SEM1: variants seen among roughly 807,000 people sequenced by gnomAD.
SEM1 encodes SEM1 26S proteasome subunit.
A neutral mutation model predicts 12.7 loss-of-function variants in SEM1; 3 were observed. That is an observed-to-expected ratio of 0.24 (90% CI 0.11 to 0.61). The LOEUF is 0.61. SEM1 is among the 20% of genes least tolerant of loss of function. The probability of loss-of-function intolerance (pLI) is 0.88; values close to 1 mark genes in which losing one functional copy is unlikely to be tolerated. For missense variants in SEM1, 59 were observed against 81.3 expected, an observed-to-expected ratio of 0.73 and a Z score of 1.06; for synonymous variants, 30 against 27.8, an observed-to-expected ratio of 1.08 and a Z score of -0.25.
intron 2 of SEM1, among the ~76,000 whole-genome samples, chr7:96,632,220 T>C (rs1808283968): frequency 1.3e-5 from 2 of 152,116 alleles, no homozygotes; most frequent in African/African-American, 4.8e-5. Context: ...TCCCAAAGGA[T>C]TGTAAGTCAT....
chr7:96,585,622 A>C (rs1346079707), intron 2 of SEM1, among the ~76,000 whole-genome samples: 11 of 152,260 alleles, frequency 7.2e-5, no homozygotes, highest in Non-Finnish European at 1.2e-4. Flanking sequence ...CAGCGAGACT[A>C]CATGGGCTTA....
exon 4 of SEM1, chr7:96,482,193 A>G (rs1233404322): frequency 6.6e-6 from 1 of 152,134 alleles, no homozygotes; most frequent in African/African-American, 2.4e-5. Flanking sequence ...TCTTTTAAGG[A>G]TACAGGGAAG....
intron 2 of SEM1, among the ~76,000 whole-genome samples, chr7:96,562,656 G>A (rs1805724754): frequency 6.6e-6 from 1 of 152,108 alleles, no homozygotes; most frequent in African/African-American, 2.4e-5. Context: ...ATCACAGAAA[G>A]AACCTTACAA....
At chr7:96,627,951 G>A (rs531176614) in intron 2 of SEM1, among the ~76,000 whole-genome samples, 93 of 151,996 alleles carry the variant, frequency 6.1e-4, no homozygotes, top group Admixed American at 1.0e-3. Flanking sequence ...TGAGTGCTCC[G>A]GTGTTGGGTG....
intron 2 of SEM1, among the ~76,000 whole-genome samples, chr7:96,656,876 T>TAC (rs71127464): frequency 8.8e-4 from 123 of 139,850 alleles, no homozygotes; most frequent in Non-Finnish European, 1.5e-3. Flanking sequence ...TATATATATA[T>TAC]ACACACACAC....
chr7:96,540,023 A>G (rs1804898488), intron 2 of SEM1, among the ~76,000 whole-genome samples: 1 of 150,746 alleles, frequency 6.6e-6, no homozygotes, highest in Non-Finnish European at 1.5e-5. Context: ...AATAAGTTAT[A>G]AAAATAATTC....
At chr7:96,496,136 A>C in intron 1 of SEM1, 1 of 505,002 alleles carries the variant, frequency 2.0e-6, no homozygotes, top group Non-Finnish European at 3.5e-6. Context: ...CAGAATACCC[A>C]GAGCTCGATT....
intron 2 of SEM1, among the ~76,000 whole-genome samples, chr7:96,588,898 A>G (rs938788936): frequency 6.6e-6 from 1 of 152,390 alleles, no homozygotes; most frequent in African/African-American, 2.4e-5. Flanking sequence ...TTTGCAGCAC[A>G]TGGGTATATG....
intron 2 of SEM1, among the ~76,000 whole-genome samples, chr7:96,596,762 TTCTC>T (rs1233367317): frequency 1.3e-5 from 2 of 152,308 alleles, no homozygotes; most frequent in East Asian, 3.9e-4. Flanking sequence ...AGAGCTTTCT[TTCTC>T]TCTCTTTTTT....
chr7:96,709,651 C>T (rs1432642383), intron 1 of SEM1, 37 bp downstream of exon 1: 1 of 1,601,140 alleles, frequency 6.2e-7, no homozygotes, highest in Non-Finnish European at 8.6e-7. Flanking sequence ...CCTGAGTCAC[C>T]GTTCGCGCGA....
intron 2 of SEM1, among the ~76,000 whole-genome samples, chr7:96,521,329 C>T (rs1804262629): frequency 1.3e-5 from 2 of 152,074 alleles, no homozygotes; most frequent in African/African-American, 4.8e-5. Context: ...CACAAGTTTG[C>T]TACTTAAAGG....
intron 2 of SEM1, among the ~76,000 whole-genome samples, chr7:96,639,089 A>C (rs1808514415): frequency 6.6e-6 from 1 of 152,042 alleles, no homozygotes; most frequent in Admixed American, 6.6e-5. Context: ...CTCAATCCTG[A>C]AAGTAATTTC....
chr7:96,676,131 G>C (rs1432477862), intron 2 of SEM1, among the ~76,000 whole-genome samples: 1 of 152,208 alleles, frequency 6.6e-6, no homozygotes, highest in East Asian at 1.9e-4. Context: ...CCTGCAGTAA[G>C]GGGTGAAATT....
chr7:96,566,235 G>A (rs1465437021), intron 2 of SEM1, among the ~76,000 whole-genome samples: 1 of 151,596 alleles, frequency 6.6e-6, no homozygotes, highest in Non-Finnish European at 1.5e-5. Context: ...TTACAGAGAG[G>A]CAAATACTGT....
exon 4 of SEM1, chr7:96,483,675 T>G: frequency 1.5e-6 from 1 of 668,370 alleles, no homozygotes; most frequent in Non-Finnish European, 2.6e-6. Flanking sequence ...ATTAAATGCT[T>G]CTAATCATAA....
intron 2 of SEM1, among the ~76,000 whole-genome samples, chr7:96,598,487 A>T (rs1807076948): frequency 6.6e-6 from 1 of 151,966 alleles, no homozygotes; most frequent in African/African-American, 2.4e-5. Context: ...AAGGTCTTCC[A>T]ACCTCTCTGA....
chr7:96,694,659 AAT>A (rs1444396273), intron 2 of SEM1, 137 bp downstream of exon 2: 3 of 474,090 alleles, frequency 6.3e-6, no homozygotes, highest in African/African-American at 2.0e-5. Flanking sequence ...AGATGAAGAC[AAT>A]ATGTCTTACT....
chr7:96,602,056 A>T (rs1807214147), intron 2 of SEM1, among the ~76,000 whole-genome samples: 1 of 152,202 alleles, frequency 6.6e-6, no homozygotes, highest in South Asian at 2.1e-4. Context: ...TCAGGAGTTC[A>T]GTTTCACCAT....
At chr7:96,675,242 A>T (rs184601687) in intron 2 of SEM1, among the ~76,000 whole-genome samples, 1 of 152,360 alleles carries the variant, frequency 6.6e-6, no homozygotes. Context: ...GGGGCAAACT[A>T]CAGAGAATCA....
Sources: gnomAD v4.1 joint callset for allele counts (sites outside exome capture counted in the v4.1 genomes callset) on GRCh38, gnomAD v4.1.1 for gene constraint, MANE v1.5 for transcripts, NCBI Gene and HGNC (gene_info 2026-07-23, HGNC 2026-07-21) for gene names.